The following ANGPTL5 variants were observed in gnomAD, a reference collection of about 807,000 sequenced individuals.
ANGPTL5 encodes angiopoietin-related protein 5.
Under a neutral mutation model 39.4 loss-of-function variants are expected in ANGPTL5, and 34 were observed. That is an observed-to-expected ratio of 0.86 (90% confidence interval 0.66 to 1.15). The LOEUF is 1.15. Among genes scored for constraint, ANGPTL5 ranks in the 50% most tolerant of loss-of-function variants. The pLI is 0.00. For missense variants in ANGPTL5, 467 were observed against 457.5 expected, an observed-to-expected ratio of 1.02 and a Z score of -0.19; for synonymous variants, 146 against 152.1, an observed-to-expected ratio of 0.96 and a Z score of 0.29.
In ANGPTL5 at chr11:101,907,272, GA is replaced by G. The variant is rs751842999; in HGVS notation, c.97-26del. On this transcript the variant is annotated intron_variant, in intron 2 of 8. Coordinates refer to ENST00000334289, the MANE Select transcript of ANGPTL5 (RefSeq NM_178127.5). ...CCTTTATATTAAAAAATAGAAATAAGAAAAAAATACATTAAACATGTTATAT... is the reference window on the plus strand; with the variant it reads ...CCTTTATATTAAAAAATAGAAATAAGAAAAAATACATTAAACATGTTATAT... The G allele has an allele frequency of 1.6e-4, 216 of 1,342,812 alleles. 2 individuals carry two copies. The highest frequency in any genetic ancestry group is 1.1e-3 in the Middle Eastern group (5 of 4,406). 83.2% of individuals were successfully genotyped at this position (1,342,812 alleles called of 1,614,324 possible). A position where few individuals can be genotyped will look rare whatever the true frequency, so the allele number is the denominator to read the frequency against.
rs1305600750 is a variant in ANGPTL5, at chr11:101,907,229, TG to T, written c.114del (p.Asn38LysfsTer3). On this transcript the variant is annotated frameshift_variant, in exon 3 of 9. Transcript: ENST00000334289. LOFTEE classifies it high-confidence loss of function. Reference protein sequence around the residue: ...VHHSTDSSVVNIVEDGSNAKD... With the variant: ...VHHSTDSSVVXIVEDGSNAKD... Reference sequence around the variant, plus strand: ...TTTGCATTAGATCCATCTTCTACAATGTTAACTACTGAAGAGTCCTTTATAT... The same window carrying T: ...TTTGCATTAGATCCATCTTCTACAATTTAACTACTGAAGAGTCCTTTATAT... 1 of 1,520,384 alleles carries T rather than the reference TG, an allele frequency of 6.6e-7. No individual in the cohort carries two copies. The highest frequency in any genetic ancestry group is 2.3e-5 in the East Asian group (1 of 43,322). 94.2% of individuals were successfully genotyped at this position (1,520,384 alleles called of 1,614,324 possible).
chr11:101,900,417 C>CA lies in ANGPTL5; in HGVS notation c.661+12dup, dbSNP rs77717864. 92,501 of 1,611,006 alleles carry CA rather than the reference C, an allele frequency of 0.057. 4,891 individuals are homozygous for CA. Among genetic ancestry groups the CA allele is most frequent in the East Asian group, 0.28 (12,699 of 44,726 alleles). ...GAGTAAACAATGTAGAGTAGAAATA[C>CA]AAAAAAATTAACCTAGAAGATCTCC... On this transcript the variant is annotated intron_variant, in intron 7 of 8. Coordinates refer to ENST00000334289, the MANE Select transcript of ANGPTL5 (RefSeq NM_178127.5).
intron 6 of ANGPTL5, among the ~76,000 whole-genome samples, chr11:101,901,928 A>T (rs375347081): frequency 4.7e-4 from 72 of 151,974 alleles, no homozygotes; most frequent in African/African-American, 1.7e-3. Context: ...AAATATATAT[A>T]TAATATATAT....
chr11:101,910,443 A>G (rs890769128), intron 1 of ANGPTL5, among the ~76,000 whole-genome samples: 6 of 147,722 alleles, frequency 4.1e-5, no homozygotes, highest in African/African-American at 7.4e-5. Context: ...ATATATATAT[A>G]TATTCAAATT....
At chr11:101,911,544 G>C (rs908276072) in intron 1 of ANGPTL5, among the ~76,000 whole-genome samples, 1 of 152,148 alleles carries the variant, frequency 6.6e-6, no homozygotes, top group African/African-American at 2.4e-5. Context: ...TAGTAAGTGA[G>C]TTCTCATGAG....
At chr11:101,914,039 A>C (rs969188811) in intron 1 of ANGPTL5, among the ~76,000 whole-genome samples, 1 of 152,248 alleles carries the variant, frequency 6.6e-6, no homozygotes, top group African/African-American at 2.4e-5. Context: ...GCCAGTGTAC[A>C]TTCCAATTTG....
At position 101,907,962 on chromosome 11, in the gene ANGPTL5, G is replaced by A; in HGVS notation, c.-53C>T. 7.7e-7 allele frequency: 1 copy of A among 1,293,218 alleles called. No homozygotes were observed. Among genetic ancestry groups the A allele is most frequent in the Non-Finnish European group, 1.1e-6 (1 of 895,998 alleles). The allele number at this position is 1,293,218 out of a possible 1,614,324, so 80.1% of individuals were successfully genotyped here. A position where few individuals can be genotyped will look rare whatever the true frequency, so the allele number is the denominator to read the frequency against. ...CTTCAAATATCAGTCAGCTCTTTGTGGAAAGAACTACAGAGCATAGAGTCT... is the reference window on the plus strand; with the variant it reads ...CTTCAAATATCAGTCAGCTCTTTGTAGAAAGAACTACAGAGCATAGAGTCT... On this transcript the variant is annotated 5_prime_UTR_variant, in exon 2 of 9. Coordinates refer to ENST00000334289, the MANE Select transcript of ANGPTL5 (RefSeq NM_178127.5).
intron 1 of ANGPTL5, among the ~76,000 whole-genome samples, chr11:101,909,133 T>C (rs1038415415): frequency 2.0e-5 from 3 of 152,208 alleles, no homozygotes; most frequent in Non-Finnish European, 4.4e-5. Context: ...CAATGACTGA[T>C]ACACAAGAGG....
chr11:101,891,319 G>A lies in ANGPTL5; in HGVS notation c.1127C>T (p.Ser376Leu), dbSNP rs1175849612. 1 of 1,613,510 alleles carries A rather than the reference G, an allele frequency of 6.2e-7. No individual in the cohort carries two copies. The highest frequency in any genetic ancestry group is 1.7e-5 in the Admixed American group (1 of 59,972). The change falls in exon 9 of 9, where the codon TCA (serine) becomes TTA (leucine). Residue 376 changes from serine (S) to leucine (L), a missense_variant. Coordinates refer to ENST00000334289, the MANE Select transcript of ANGPTL5 (RefSeq NM_178127.5). ...NNSPVKIKSV[S>L]MKIRRMYNPY... ...ATTGTACATTCTTCTAATTTTCATT[G>A]AAACAGATTTAATCTTGACAGGTGA...
rs776353206 is a variant in ANGPTL5 at position 101,902,631 on chromosome 11, T to C, written c.530A>G (p.Tyr177Cys). The C allele has an allele frequency of 6.2e-7, 1 of 1,602,068 alleles. No individual in the cohort carries two copies. The highest frequency in any genetic ancestry group is 8.5e-7 in the Non-Finnish European group (1 of 1,169,870). The part of the protein sequence containing the change: ...LYIIHPEGSS[Y>C]PFEVMCDMDY... ...AAATACGGGAAATACCTCAAATGGG[T>C]AGCTAGATCCTTCTGGGTGAATTAT... is the stretch of plus-strand genomic sequence containing the variant. Residue 177 changes from tyrosine (Y) to cysteine (C), a missense_variant, in exon 6 of 9, where the codon TAC becomes TGC. Coordinates refer to ENST00000334289, the MANE Select transcript of ANGPTL5 (RefSeq NM_178127.5).
In ANGPTL5 at chr11:101,895,053, G is replaced by C. The variant is rs759364693; in HGVS notation, c.673C>G (p.Leu225Val). 44 of 1,587,398 alleles carry C rather than the reference G, an allele frequency of 2.8e-5. No homozygotes were observed. In the African/African-American group the frequency reaches 5.5e-4, roughly 20 times the overall value. Residue 225 changes from leucine (L) to valine (V), a missense_variant, in exon 8 of 9, where the codon CTA (leucine) becomes GTA (valine). By Grantham distance (32) the Leu-to-Val change is conservative (BLOSUM62 1). Coordinates refer to ENST00000334289, the MANE Select transcript of ANGPTL5 (RefSeq NM_178127.5). ...GFGDLLGEFW[L>V]GLKKIFYIVN... Reference sequence around the variant, plus strand: ...ATATAAAAAATCTTTTTCAGTCCTAGCCAAAATTCTCCTGTAAAAAAAATG... The same window carrying C: ...ATATAAAAAATCTTTTTCAGTCCTACCCAAAATTCTCCTGTAAAAAAAATG...
intron 1 of ANGPTL5, among the ~76,000 whole-genome samples, chr11:101,908,632 T>G (rs902717413): frequency 6.6e-6 from 1 of 151,728 alleles, no homozygotes; most frequent in Non-Finnish European, 1.5e-5. Context: ...ATACAAAAAT[T>G]AGCCGGGCGT....
chr11:101,896,341 C>T (rs2137052037), intron 7 of ANGPTL5, among the ~76,000 whole-genome samples: 1 of 151,856 alleles, frequency 6.6e-6, no homozygotes, highest in African/African-American at 2.4e-5. Context: ...CATGCACCAC[C>T]ACCCCCAGCT....
chr11:101,905,915 G>A (rs1939990956), intron 3 of ANGPTL5, 68 bp from the exon 4 acceptor site: 3 of 913,448 alleles, frequency 3.3e-6, no homozygotes, highest in Admixed American at 2.0e-5. Flanking sequence ...GTGAAAAATA[G>A]TGAATTTTAC....
chr11:101,900,404 TAGAGTAGAAATACAAAAA>T lies in ANGPTL5; in HGVS notation c.661+8_661+25del, dbSNP rs781744188. ...ATAATATCAAAAAGAGTAAACAATG[TAGAGTAGAAATACAAAAA>T]AATTAACCTAGAAGATCTCCAAATC... is the stretch of plus-strand genomic sequence containing the variant. On this transcript the variant is annotated splice_region_variant and intron_variant, in intron 7 of 8. Coordinates refer to ENST00000334289, the MANE Select transcript of ANGPTL5 (RefSeq NM_178127.5). 8 of 1,605,812 alleles carry T rather than the reference TAGAGTAGAAATACAAAAA, an allele frequency of 5.0e-6. No homozygotes were observed. The highest frequency in any genetic ancestry group is 5.1e-6 in the Non-Finnish European group (6 of 1,175,048).
chr11:101,890,935 T>C lies in ANGPTL5; in HGVS notation c.*344A>G, dbSNP rs1336934373. On this transcript the variant is annotated 3_prime_UTR_variant, in exon 9 of 9. Transcript: ENST00000334289. ...TAAAGTATAAAAATAAGTAAAATAT[T>C]CCCTTCAATTTTCCTTACAACATAT... The C allele has an allele frequency of 1.1e-5, 2 of 181,234 alleles. No homozygotes were observed. The highest frequency in any genetic ancestry group is 2.9e-4 in the East Asian group (2 of 6,824). 11.2% of individuals were successfully genotyped at this position (181,234 alleles called of 1,614,324 possible). A position where few individuals can be genotyped will look rare whatever the true frequency, so the allele number is the denominator to read the frequency against.
At chr11:101,909,262 C>T (rs1047062846) in intron 1 of ANGPTL5, among the ~76,000 whole-genome samples, 3 of 152,190 alleles carry the variant, frequency 2.0e-5, no homozygotes, top group Admixed American at 6.5e-5. Flanking sequence ...GTGGCAATCA[C>T]TTTCTCAGAG....
intron 4 of ANGPTL5, among the ~76,000 whole-genome samples, chr11:101,905,478 T>C (rs1939982755): frequency 6.6e-6 from 1 of 152,182 alleles, no homozygotes; most frequent in African/African-American, 2.4e-5. Flanking sequence ...TGGGAAGCTT[T>C]TTGTATCTGA....
chr11:101,915,331 G>A (rs1459552108), intron 1 of ANGPTL5: 1 of 1,613,980 alleles, frequency 6.2e-7, no homozygotes, highest in East Asian at 2.2e-5. Flanking sequence ...GGGGAACTGG[G>A]CACTGAATCA....
Sources: gnomAD v4.1 joint callset for allele counts (sites outside exome capture counted in the v4.1 genomes callset) on GRCh38, gnomAD v4.1.1 for gene constraint, MANE v1.5 for transcripts, NCBI Gene and HGNC (gene_info 2026-07-23, HGNC 2026-07-21) for gene names.